The following AGBL4 variants were observed in gnomAD, a reference collection of about 807,000 sequenced individuals.
AGBL4 encodes the protein cytosolic carboxypeptidase 6.
A neutral mutation model predicts 66.4 loss-of-function variants in AGBL4; 58 were observed. The observed-to-expected ratio is 0.87, with a 90% CI of 0.71 to 1.09. The LOEUF (loss-of-function observed/expected upper bound fraction) is 1.09, where lower values mean the gene tolerates loss of function less well. Among genes scored for constraint, AGBL4 ranks in the 50% least tolerant of loss-of-function variants. The pLI is 0.00. For synonymous variants in AGBL4, 234 were observed against 222.9 expected, an observed-to-expected ratio of 1.05 and a Z score of -0.44; for missense variants, 579 against 631.0, an observed-to-expected ratio of 0.92 and a Z score of 0.88.
intron 3 of AGBL4, chr1:49,266,081 C>T (rs191686141): frequency 2.0e-5 from 3 of 152,168 alleles, no homozygotes; most frequent in Admixed American, 6.5e-5. Flanking sequence ...AGGGAATCAA[C>T]AAAGTTTGTT....
At chr1:49,543,451 T>G (rs56382203) in intron 3 of AGBL4, among the ~76,000 whole-genome samples, 149 of 152,166 alleles carry the variant, frequency 9.8e-4, no homozygotes, top group African/African-American at 3.4e-3. Flanking sequence ...TAATGGTTTG[T>G]TCAGAGGAGA....
chr1:48,616,592 C>T (rs1323941932), intron 9 of AGBL4, among the ~76,000 whole-genome samples: 1 of 152,162 alleles, frequency 6.6e-6, no homozygotes, highest in Non-Finnish European at 1.5e-5. Flanking sequence ...TCATATTCCT[C>T]TTTTGAAAAA....
At chr1:49,979,711 G>A (rs2148381781) in intron 1 of AGBL4, among the ~76,000 whole-genome samples, 1 of 152,256 alleles carries the variant, frequency 6.6e-6, no homozygotes, top group Admixed American at 6.5e-5. Flanking sequence ...CATCTCTCCA[G>A]TAAAGCATAT....
At chr1:49,544,138 C>T (rs1652292658) in intron 3 of AGBL4, among the ~76,000 whole-genome samples, 1 of 152,116 alleles carries the variant, frequency 6.6e-6, no homozygotes, top group Admixed American at 6.5e-5. Flanking sequence ...TCAGGAATGC[C>T]CTGCTTTAGG....
At chr1:49,314,329 C>T (rs1644998339) in intron 3 of AGBL4, among the ~76,000 whole-genome samples, 1 of 151,932 alleles carries the variant, frequency 6.6e-6, no homozygotes, top group South Asian at 2.1e-4. Flanking sequence ...GTTTGCTGCA[C>T]CTATTAACTC....
At chr1:49,989,765 A>C (rs944716622) in intron 1 of AGBL4, among the ~76,000 whole-genome samples, 1 of 152,200 alleles carries the variant, frequency 6.6e-6, no homozygotes, top group Non-Finnish European at 1.5e-5. Context: ...TGGCATTCCA[A>C]TCTGCTCTAC....
intron 3 of AGBL4, among the ~76,000 whole-genome samples, chr1:49,255,068 C>T (rs1443040720): frequency 2.6e-5 from 4 of 152,026 alleles, no homozygotes; most frequent in Non-Finnish European, 5.9e-5. Flanking sequence ...CCCTGGAAGA[C>T]AACCTAGGTA....
intron 3 of AGBL4, among the ~76,000 whole-genome samples, chr1:49,418,360 A>T: frequency 6.6e-6 from 1 of 152,206 alleles, no homozygotes; most frequent in Non-Finnish European, 1.5e-5. Context: ...TGTGAAATAG[A>T]TACTGTGACA....
At chr1:49,227,170 C>T (rs752694551) in intron 4 of AGBL4, among the ~76,000 whole-genome samples, 1 of 152,158 alleles carries the variant, frequency 6.6e-6, no homozygotes, top group African/African-American at 2.4e-5. Context: ...TTATATATTT[C>T]TTTTGTATTT....
chr1:49,294,577 C>G (rs1189575856), intron 3 of AGBL4, among the ~76,000 whole-genome samples: 4 of 152,176 alleles, frequency 2.6e-5, no homozygotes, highest in Non-Finnish European at 4.4e-5. Context: ...TTTAATTGTG[C>G]TTTCCCACAT....
At chr1:48,661,771 T>C (rs149055550) in intron 7 of AGBL4, among the ~76,000 whole-genome samples, 26 of 152,280 alleles carry the variant, frequency 1.7e-4, no homozygotes, top group Admixed American at 7.2e-4. Flanking sequence ...ATATTGATGG[T>C]AAGGCTACTG....
intron 4 of AGBL4, among the ~76,000 whole-genome samples, chr1:49,172,654 T>C (rs1646759692): frequency 6.6e-6 from 1 of 152,054 alleles, no homozygotes; most frequent in Admixed American, 6.6e-5. Flanking sequence ...CCATGAATAA[T>C]AAATTTAGAT....
At chr1:48,945,408 T>C (rs1656413761) in intron 5 of AGBL4, among the ~76,000 whole-genome samples, 1 of 152,150 alleles carries the variant, frequency 6.6e-6, no homozygotes, top group Non-Finnish European at 1.5e-5. Flanking sequence ...ACATTCTAGC[T>C]CAAGCATTTT....
chr1:49,318,752 T>C (rs549040465), intron 3 of AGBL4, among the ~76,000 whole-genome samples: 1 of 152,234 alleles, frequency 6.6e-6, no homozygotes, highest in East Asian at 1.9e-4. Context: ...GTTGTTGTTC[T>C]TAAGCACTAG....
rs117609107 is a variant in AGBL4 at position 49,034,810 on chromosome 1, G to T, written c.594+10774C>A. Reference sequence around the variant, plus strand: ...TTTCCTGAGGCCTACCAGTCATGCTGAAGTGTGAGTCAATTAAACCTCTTT... The same window carrying T: ...TTTCCTGAGGCCTACCAGTCATGCTTAAGTGTGAGTCAATTAAACCTCTTT... On this transcript the variant is annotated intron_variant, in intron 5 of 13. Coordinates refer to ENST00000371839, the MANE Select transcript of AGBL4 (RefSeq NM_032785.4). Among the ~76,000 whole-genome samples the T allele has an allele frequency of 1.2e-3, 179 of 152,232 alleles. 2 individuals are homozygous for T. The East Asian group carries it at 0.02, about 17-fold the overall frequency.
intron 3 of AGBL4, among the ~76,000 whole-genome samples, chr1:49,324,420 A>G (rs999019166): frequency 5.3e-5 from 7 of 133,214 alleles, no homozygotes; most frequent in Admixed American, 3.6e-4. Flanking sequence ...TATTCTGAAG[A>G]AAAAAAAACA....
chr1:49,091,411 G>A (rs77660233), intron 4 of AGBL4, among the ~76,000 whole-genome samples: 1 of 151,776 alleles, frequency 6.6e-6, no homozygotes, highest in Non-Finnish European at 1.5e-5. Flanking sequence ...GAAAAATTGG[G>A]CAAAGGACAT....
intron 6 of AGBL4, chr1:48,758,809 G>T: frequency 2.5e-6 from 3 of 1,192,224 alleles, no homozygotes; most frequent in Non-Finnish European, 3.4e-6. Context: ...CAGGGCACTT[G>T]GTCTCCCTCT....
chr1:48,819,574 A>G (rs577118417), intron 6 of AGBL4, among the ~76,000 whole-genome samples: 16 of 152,266 alleles, frequency 1.1e-4, no homozygotes, highest in Admixed American at 9.2e-4. Context: ...AGAGAGGCCA[A>G]TTTGGGGACT....
Sources: gnomAD v4.1 joint callset for allele counts (sites outside exome capture counted in the v4.1 genomes callset) on GRCh38, gnomAD v4.1.1 for gene constraint, MANE v1.5 for transcripts, NCBI Gene and HGNC (gene_info 2026-07-23, HGNC 2026-07-21) for gene names.